Variants in PCSK2 observed in about 807,000 individuals in gnomAD.
PCSK2 encodes proprotein convertase subtilisin/kexin type 2.
A neutral mutation model predicts 69.7 loss-of-function variants in PCSK2; 14 were observed. The ratio of observed to expected loss-of-function variants is 0.20; its 90% CI spans 0.13 to 0.31. The LOEUF (loss-of-function observed/expected upper bound fraction) is 0.31. Among genes scored for constraint, PCSK2 ranks in the 10% least tolerant of loss-of-function variants. The pLI, the probability that PCSK2 is intolerant of heterozygous loss-of-function variation, is 1.00. For synonymous variants in PCSK2, 307 were observed against 320.7 expected (o/e 0.96, Z 0.46); for missense variants, 544 against 842.5 (o/e 0.65, Z 4.39).
intron 2 of PCSK2, among the ~76,000 whole-genome samples, chr20:17,264,903 G>T (rs1413107648): frequency 5.9e-5 from 9 of 151,360 alleles, no homozygotes; most frequent in Non-Finnish European, 1.2e-4. Context: ...TCACTCTGTT[G>T]CCCAGGCTGG....
intron 11 of PCSK2, among the ~76,000 whole-genome samples, chr20:17,470,147 C>T (rs2033175859): frequency 2.0e-5 from 3 of 152,222 alleles, no homozygotes; most frequent in South Asian, 4.2e-4. Flanking sequence ...CAACTGTTTC[C>T]CTTGTTAGAG....
intron 2 of PCSK2, among the ~76,000 whole-genome samples, chr20:17,330,316 G>T (rs6136069): frequency 6.6e-6 from 1 of 151,984 alleles, no homozygotes; most frequent in Admixed American, 6.6e-5. Flanking sequence ...ATTCTTGGCC[G>T]GGCACAGTGG....
Position 17,482,215 on chromosome 20 carries a change from A to T in PCSK2, c.*145A>T. ...TCTGAAGCTTCACTCACTGTCAATG[A>T]TTATTTTCATTACAATGGAAACAAT... On this transcript the variant is annotated 3_prime_UTR_variant, in exon 12 of 12. Transcript: ENST00000262545. 2 of 693,682 alleles carry T rather than the reference A, an allele frequency of 2.9e-6. No homozygotes were observed. The highest frequency in any genetic ancestry group is 2.8e-5 in the East Asian group (1 of 35,796). The allele number at this position is 693,682 out of a possible 1,614,324, so 43.0% of individuals were successfully genotyped here.
intron 8 of PCSK2, among the ~76,000 whole-genome samples, chr20:17,441,884 C>T (rs1327787010): frequency 6.6e-6 from 1 of 151,890 alleles, no homozygotes; most frequent in Non-Finnish European, 1.5e-5. Flanking sequence ...ATGTTGGGGT[C>T]CTAATCCCCA....
intron 1 of PCSK2, among the ~76,000 whole-genome samples, chr20:17,235,088 G>T (rs898579669): frequency 2.6e-5 from 4 of 152,108 alleles, no homozygotes; most frequent in Admixed American, 6.6e-5. Context: ...TTAATGGATG[G>T]TTTATATGCG....
chr20:17,289,191 C>T (rs995226600), intron 2 of PCSK2, among the ~76,000 whole-genome samples: 1 of 152,090 alleles, frequency 6.6e-6, no homozygotes, highest in Admixed American at 6.5e-5. Context: ...AATCACTTAG[C>T]CTTGTTAGAT....
chr20:17,419,451 ATAATAG>A (rs1469450431), intron 6 of PCSK2, among the ~76,000 whole-genome samples: 9 of 152,354 alleles, frequency 5.9e-5, no homozygotes, highest in African/African-American at 2.2e-4. Context: ...CAAAATAATA[ATAATAG>A]TAACTCAAAT....
chr20:17,251,152 A>G (rs1463579745), intron 1 of PCSK2, among the ~76,000 whole-genome samples: 1 of 152,148 alleles, frequency 6.6e-6, no homozygotes, highest in East Asian at 1.9e-4. Flanking sequence ...GCAATAAGAA[A>G]CAAAAGGTCA....
chr20:17,365,971 A>C (rs2030577819), intron 4 of PCSK2, among the ~76,000 whole-genome samples: 1 of 152,072 alleles, frequency 6.6e-6, no homozygotes, highest in African/African-American at 2.4e-5. Flanking sequence ...CACTGGAATC[A>C]CATGTTAGTG....
At position 17,353,236 on chromosome 20, in the gene PCSK2, G is replaced by T. The variant is rs572266851; in HGVS notation, c.283-5091G>T. Reference sequence around the variant, plus strand: ...CCAGCACTTTGGGAGGCCAAGGCGGGCGGATCACGAGGTCAGGAGATTGAG... The same window carrying T: ...CCAGCACTTTGGGAGGCCAAGGCGGTCGGATCACGAGGTCAGGAGATTGAG... On this transcript the variant is annotated intron_variant, in intron 2 of 11. Coordinates refer to ENST00000262545, the MANE Select transcript of PCSK2 (RefSeq NM_002594.5). 1.7e-4 allele frequency among the ~76,000 whole-genome samples: 23 copies of T among 137,246 alleles called. No homozygotes were observed. In the East Asian group the frequency reaches 5.1e-3, roughly 31 times the overall value. The allele number at this position is 137,246 out of a possible 152,430, so 90.0% of individuals were successfully genotyped here. A position where few individuals can be genotyped will look rare whatever the true frequency, so the allele number is the denominator to read the frequency against.
At chr20:17,350,539 CT>C (rs2029948782) in intron 2 of PCSK2, among the ~76,000 whole-genome samples, 1 of 151,944 alleles carries the variant, frequency 6.6e-6, no homozygotes, top group South Asian at 2.1e-4. Flanking sequence ...GGCCCAGGTC[CT>C]CAGAGAGTTA....
intron 2 of PCSK2, among the ~76,000 whole-genome samples, chr20:17,330,606 G>A (rs111427058): frequency 1.3e-5 from 2 of 151,838 alleles, no homozygotes. Context: ...GACAGAGTGA[G>A]ACTTCATCTC....
intron 8 of PCSK2, among the ~76,000 whole-genome samples, chr20:17,439,349 T>G (rs1472074932): frequency 6.6e-6 from 1 of 151,980 alleles, no homozygotes; most frequent in Non-Finnish European, 1.5e-5. Context: ...AGTTTCAAAC[T>G]CCGGGACTCA....
intron 2 of PCSK2, among the ~76,000 whole-genome samples, chr20:17,298,765 C>T (rs1216418916): frequency 6.6e-6 from 1 of 152,054 alleles, no homozygotes; most frequent in Non-Finnish European, 1.5e-5. Context: ...AGTATTTGAG[C>T]AAATCTTTCT....
intron 1 of PCSK2, among the ~76,000 whole-genome samples, chr20:17,232,514 A>G (rs1383219603): frequency 6.6e-6 from 1 of 152,168 alleles, no homozygotes; most frequent in Admixed American, 6.5e-5. Context: ...TTTGTCCTGA[A>G]AAGTTTTTCT....
At chr20:17,326,589 C>A (rs1192259804) in intron 2 of PCSK2, among the ~76,000 whole-genome samples, 1 of 152,202 alleles carries the variant, frequency 6.6e-6, no homozygotes, top group East Asian at 1.9e-4. Context: ...CGACTCTGTG[C>A]TTTCAACATT....
intron 2 of PCSK2, among the ~76,000 whole-genome samples, chr20:17,314,477 CAG>C (rs757173183): frequency 6.6e-6 from 1 of 152,188 alleles, no homozygotes; most frequent in African/African-American, 2.4e-5. Flanking sequence ...TGTGAGCTAA[CAG>C]GGTATGGCCT....
At chr20:17,449,461 A>G (rs1424071600) in intron 8 of PCSK2, among the ~76,000 whole-genome samples, 1 of 139,068 alleles carries the variant, frequency 7.2e-6, no homozygotes, top group Admixed American at 7.2e-5. Context: ...ATTTCAATTG[A>G]TATATTGTAT....
intron 11 of PCSK2, chr20:17,479,148 G>A (rs1600613448): frequency 4.4e-6 from 6 of 1,372,578 alleles, no homozygotes; most frequent in African/African-American, 2.9e-5. Context: ...CCCATCTTAC[G>A]GTACAGGTTC....
Sources: allele counts gnomAD v4.1 joint callset (sites outside exome capture counted in the v4.1 genomes callset), GRCh38; gene constraint gnomAD v4.1.1; transcripts MANE v1.5; gene names NCBI Gene and HGNC (gene_info 2026-07-23, HGNC 2026-07-21).